CACNB2: variants seen among roughly 807,000 people sequenced by gnomAD.
The protein encoded by CACNB2 is calcium voltage-gated channel auxiliary subunit beta 2, also known as voltage-dependent L-type calcium channel subunit beta-2.
A neutral mutation model predicts 73.3 loss-of-function variants in CACNB2; 42 were observed. The ratio of observed to expected loss-of-function variants is 0.57; its 90% CI spans 0.45 to 0.74. The LOEUF is 0.74. CACNB2 is among the 30% of genes least tolerant of loss of function. The pLI is 0.00. For synonymous variants in CACNB2, 348 were observed against 310.3 expected, an observed-to-expected ratio of 1.12 and a Z score of -1.28; for missense variants, 940 against 853.0, an observed-to-expected ratio of 1.10 and a Z score of -1.27.
intron 3 of CACNB2, among the ~76,000 whole-genome samples, chr10:18,424,340 G>A (rs762588860): frequency 2.6e-5 from 4 of 152,182 alleles, no homozygotes; most frequent in Admixed American, 2.0e-4. Flanking sequence ...GTATTCATAC[G>A]CACTTTCAAT....
At chr10:18,500,985 G>C in intron 5 of CACNB2, 37 bp downstream of exon 5, 1 of 1,591,954 alleles carries the variant, frequency 6.3e-7, no homozygotes. Context: ...ATAAAACTTA[G>C]ATTATACCAC....
chr10:18,247,817 C>G (rs373430665), intron 2 of CACNB2, among the ~76,000 whole-genome samples: 1 of 152,154 alleles, frequency 6.6e-6, no homozygotes. Context: ...TGAGGACCAC[C>G]TTTTCTGGGG....
intron 2 of CACNB2, among the ~76,000 whole-genome samples, chr10:18,250,193 G>A (rs1295374864): frequency 1.3e-5 from 2 of 152,150 alleles, no homozygotes; most frequent in African/African-American, 4.8e-5. Context: ...ATTAGCTCTT[G>A]GCAGTCTCCA....
intron 2 of CACNB2, among the ~76,000 whole-genome samples, chr10:18,356,803 T>A (rs1242478537): frequency 6.6e-6 from 1 of 151,840 alleles, no homozygotes; most frequent in Non-Finnish European, 1.5e-5. Flanking sequence ...CTAATTTTTT[T>A]ATATTTTGTA....
chr10:18,263,596 C>A (rs897281360), intron 2 of CACNB2, among the ~76,000 whole-genome samples: 1 of 152,114 alleles, frequency 6.6e-6, no homozygotes, highest in Non-Finnish European at 1.5e-5. Flanking sequence ...TATACCTTTT[C>A]TTTTTAGTAT....
At chr10:18,355,630 C>CT (rs549165226) in intron 2 of CACNB2, among the ~76,000 whole-genome samples, 4,191 of 140,682 alleles carry the variant, frequency 0.03, 53 homozygotes, top group Middle Eastern at 0.067. Context: ...TGATTTTTCT[C>CT]TTTTTTTTTT....
chr10:18,244,852 T>C (rs770279309), intron 2 of CACNB2, among the ~76,000 whole-genome samples: 13 of 152,230 alleles, frequency 8.5e-5, no homozygotes, highest in Non-Finnish European at 1.2e-4. Context: ...CTGGATTAGC[T>C]GGGTGGGCAC....
rs2041202682 is a variant in CACNB2, at chr10:18,340,834, C to T, written c.214-61090C>T. 1.2e-5 allele frequency: 19 copies of T among 1,612,824 alleles called. No homozygotes were observed. In the South Asian group the frequency reaches 1.5e-4, roughly 13 times the overall value. ...GCAGTTGCTATGCTGTTCAGCAAAGCAAGACTTGGCTGCCTTTTAGCTAGT... is the reference window on the plus strand; with the variant it reads ...GCAGTTGCTATGCTGTTCAGCAAAGTAAGACTTGGCTGCCTTTTAGCTAGT... On this transcript the variant is annotated intron_variant, in intron 2 of 13. Transcript: ENST00000324631.
intron 2 of CACNB2, among the ~76,000 whole-genome samples, chr10:18,274,199 T>A (rs1361241840): frequency 1.4e-5 from 2 of 146,492 alleles, no homozygotes; most frequent in African/African-American, 5.2e-5. Context: ...CCCGACTACT[T>A]ATTTTGATGA....
chr10:18,501,140 A>G (rs1172155811), intron 5 of CACNB2, among the ~76,000 whole-genome samples, 192 bp downstream of exon 5: 6 of 152,204 alleles, frequency 3.9e-5, no homozygotes, highest in South Asian at 2.1e-4. Flanking sequence ...TTTTCACCCT[A>G]TTTGGGAAAG....
At chr10:18,307,066 C>T (rs2131861713) in intron 2 of CACNB2, among the ~76,000 whole-genome samples, 1 of 151,708 alleles carries the variant, frequency 6.6e-6, no homozygotes, top group Middle Eastern at 3.4e-3. Context: ...TTTTGTATTT[C>T]ACATCCTGAT....
chr10:18,352,867 C>G (rs1564460597), intron 2 of CACNB2, among the ~76,000 whole-genome samples: 1 of 152,116 alleles, frequency 6.6e-6, no homozygotes, highest in African/African-American at 2.4e-5. Context: ...AAGCTGTGAA[C>G]AGAATATGTG....
intron 2 of CACNB2, among the ~76,000 whole-genome samples, chr10:18,235,574 T>A (rs2131472629): frequency 6.6e-6 from 1 of 152,344 alleles, no homozygotes; most frequent in African/African-American, 2.4e-5. Context: ...GGGGTCTGTT[T>A]GGTTAAATGA....
At chr10:18,500,774 T>C (rs754622357) in intron 4 of CACNB2, 38 bp from the exon 5 acceptor site, 2 of 1,605,070 alleles carry the variant, frequency 1.2e-6, no homozygotes, top group South Asian at 1.1e-5. Flanking sequence ...TTTGACCTTC[T>C]GTGCACTGAT....
At chr10:18,536,332 C>T (rs1322006696) in intron 12 of CACNB2, 136 bp downstream of exon 12, 3 of 587,954 alleles carry the variant, frequency 5.1e-6, no homozygotes, top group African/African-American at 4.3e-5. Context: ...GGTCTTAGCT[C>T]ACTGCAGCCC....
chr10:18,385,023 T>C (rs1164346070), intron 2 of CACNB2, among the ~76,000 whole-genome samples: 1 of 151,760 alleles, frequency 6.6e-6, no homozygotes, highest in Non-Finnish European at 1.5e-5. Context: ...ATCACGCCTG[T>C]AATCCCAGCA....
chr10:18,343,840 A>G (rs1329450131), intron 2 of CACNB2, among the ~76,000 whole-genome samples: 1 of 152,148 alleles, frequency 6.6e-6, no homozygotes, highest in Admixed American at 6.6e-5. Context: ...AACGCTCTAA[A>G]ACTGTGTGCA....
intron 2 of CACNB2, among the ~76,000 whole-genome samples, chr10:18,335,758 C>T (rs2040976893): frequency 9.9e-6 from 1 of 100,758 alleles, no homozygotes; most frequent in South Asian, 2.9e-4. Flanking sequence ...AACAAAATAT[C>T]TCTCAGTCTT....
At chr10:18,465,774 C>T (rs755875335) in intron 3 of CACNB2, among the ~76,000 whole-genome samples, 1 of 151,892 alleles carries the variant, frequency 6.6e-6, no homozygotes, top group Non-Finnish European at 1.5e-5. Flanking sequence ...CTCTGCCTCC[C>T]AGGTTCAAGT....
Sources: gnomAD v4.1 joint callset for allele counts (sites outside exome capture counted in the v4.1 genomes callset) on GRCh38, gnomAD v4.1.1 for gene constraint, MANE v1.5 for transcripts, NCBI Gene and HGNC (gene_info 2026-07-23, HGNC 2026-07-21) for gene names.